The following AVEN variants were observed in gnomAD, a reference collection of about 807,000 sequenced individuals.
AVEN encodes cell death regulator Aven.
A neutral mutation model predicts 38.1 loss-of-function variants in AVEN; 41 were observed. The ratio of observed to expected loss-of-function variants is 1.08; its 90% CI spans 0.84 to 1.40. The LOEUF (loss-of-function observed/expected upper bound fraction) is 1.40, where lower values mean the gene tolerates loss of function less well. Among genes scored for constraint, AVEN ranks in the 40% most tolerant of loss-of-function variants. The pLI is 0.00. For synonymous variants in AVEN, 206 were observed against 171.8 expected, an observed-to-expected ratio of 1.20 and a Z score of -1.56; for missense variants, 605 against 438.8, an observed-to-expected ratio of 1.38 and a Z score of -3.38.
At chr15:33,964,051 T>C (rs1895297706) in intron 2 of AVEN, among the ~76,000 whole-genome samples, 1 of 151,346 alleles carries the variant, frequency 6.6e-6, no homozygotes, top group Admixed American at 6.6e-5. Context: ...GACCACACGT[T>C]CAAATGTTAG....
intron 2 of AVEN, among the ~76,000 whole-genome samples, chr15:33,949,868 T>TAC (rs1894668428): frequency 6.6e-6 from 1 of 152,204 alleles, no homozygotes; most frequent in African/African-American, 2.4e-5. Flanking sequence ...CTTCTGGGTA[T>TAC]ACGGCCAAAA....
intron 2 of AVEN, among the ~76,000 whole-genome samples, chr15:33,954,646 C>T (rs1487825815): frequency 4.8e-5 from 6 of 123,958 alleles, no homozygotes; most frequent in Non-Finnish European, 8.0e-5. Flanking sequence ...ACCCCAGGGC[C>T]TGTCATGGGG....
intron 2 of AVEN, among the ~76,000 whole-genome samples, chr15:33,961,677 G>A (rs1451785009): frequency 2.6e-5 from 4 of 151,536 alleles, no homozygotes; most frequent in African/African-American, 4.9e-5. Flanking sequence ...GCCGGGCGTG[G>A]TGGCGGGCAC....
intron 5 of AVEN, chr15:34,062,551 TC>T: frequency 4.5e-6 from 2 of 441,094 alleles, no homozygotes; most frequent in Non-Finnish European, 7.4e-6. Context: ...CGAGATTCTG[TC>T]TCAAAAAAAA....
At chr15:34,027,186 G>A (rs116683600) in intron 1 of AVEN, among the ~76,000 whole-genome samples, 2,126 of 152,068 alleles carry the variant, frequency 0.014, 61 homozygotes, top group African/African-American at 0.048. Flanking sequence ...GAACAGTAAC[G>A]TGCCCCATTC....
chr15:34,053,340 A>ATATATATATG (rs1900014316), intron 5 of AVEN, among the ~76,000 whole-genome samples: 1 of 141,808 alleles, frequency 7.1e-6, no homozygotes, highest in Non-Finnish European at 1.5e-5. Context: ...ATATATATAT[A>ATATATATATG]TATGGAACTG....
At chr15:34,008,263 A>T (rs1359979699) in intron 1 of AVEN, among the ~76,000 whole-genome samples, 1 of 151,786 alleles carries the variant, frequency 6.6e-6, no homozygotes, top group Non-Finnish European at 1.5e-5. Context: ...TCCACGAAAA[A>T]GATAAAAATT....
intron 1 of AVEN, among the ~76,000 whole-genome samples, chr15:34,033,202 C>G (rs965442346): frequency 6.6e-6 from 1 of 152,066 alleles, no homozygotes; most frequent in African/African-American, 2.4e-5. Flanking sequence ...TGAAGTTTTA[C>G]CTTTATGTTT....
intron 4 of AVEN, among the ~76,000 whole-genome samples, chr15:33,868,962 C>A (rs1890820908): frequency 6.6e-6 from 1 of 152,196 alleles, no homozygotes; most frequent in Non-Finnish European, 1.5e-5. Flanking sequence ...AATCACCGCT[C>A]TCGAGGGAAG....
rs1899011260 is a variant in AVEN at position 34,034,311 on chromosome 15, C to G, written c.267+4469G>C. On this transcript the variant is annotated intron_variant, in intron 1 of 5. Coordinates refer to ENST00000306730, the MANE Select transcript of AVEN (RefSeq NM_020371.3). ...AAAATATTAGTTGGGTATGGTGGTT[C>G]ACGCCTGTACTCCCACCTACTCAGG... Among the ~76,000 whole-genome samples, 5 of 152,014 alleles carry G rather than the reference C, an allele frequency of 3.3e-5. No homozygotes were observed. The South Asian group carries it at 1.0e-3, about 32-fold the overall frequency.
intron 5 of AVEN, among the ~76,000 whole-genome samples, chr15:34,052,941 A>G (rs1447511707): frequency 6.6e-6 from 1 of 152,146 alleles, no homozygotes; most frequent in African/African-American, 2.4e-5. Flanking sequence ...TATAGATTCA[A>G]TGCTAATCTC....
intron 5 of AVEN, among the ~76,000 whole-genome samples, chr15:34,053,979 T>A (rs1900038386): frequency 6.6e-6 from 1 of 151,778 alleles, no homozygotes; most frequent in Non-Finnish European, 1.5e-5. Flanking sequence ...AACAAATTTA[T>A]GAGAAAAAAA....
At chr15:34,019,338 G>A (rs1469124613) in intron 1 of AVEN, among the ~76,000 whole-genome samples, 3 of 152,180 alleles carry the variant, frequency 2.0e-5, no homozygotes, top group Non-Finnish European at 4.4e-5. Context: ...GCTGTACAAT[G>A]TGTTTGTTTT....
chr15:34,031,451 G>A (rs772108743), intron 1 of AVEN, among the ~76,000 whole-genome samples: 9 of 151,922 alleles, frequency 5.9e-5, no homozygotes, highest in Non-Finnish European at 1.2e-4. Context: ...CTGGGATTAC[G>A]GGCATGAGCC....
At chr15:33,968,099 T>A (rs1207648089) in intron 2 of AVEN, among the ~76,000 whole-genome samples, 8 of 25,838 alleles carry the variant, frequency 3.1e-4, no homozygotes, top group African/African-American at 3.2e-4. Flanking sequence ...TAGCAAAGCT[T>A]AAAAAAAAAA....
At chr15:33,950,405 T>C (rs1181227793) in intron 2 of AVEN, among the ~76,000 whole-genome samples, 3 of 152,224 alleles carry the variant, frequency 2.0e-5, no homozygotes, top group African/African-American at 7.2e-5. Context: ...TGATTGGTGA[T>C]CATTACACTG....
At chr15:33,855,803 AAGACTGGATATTGATG>A (rs2079596651), downstream of AVEN, 1 of 152,200 alleles carries the variant, frequency 6.6e-6, no homozygotes, top group African/African-American at 2.4e-5. Context: ...CAATATATGG[AAGACTGGATATTGATG>A]AGACTGGATA....
chr15:33,917,870 G>C (rs1421274209), intron 2 of AVEN, among the ~76,000 whole-genome samples: 1 of 152,102 alleles, frequency 6.6e-6, no homozygotes, highest in East Asian at 1.9e-4. Context: ...ACACTACTCA[G>C]GTGATGCGTG....
At chr15:33,868,621 T>C (rs1375862510) in intron 4 of AVEN, among the ~76,000 whole-genome samples, 2 of 148,020 alleles carry the variant, frequency 1.4e-5, no homozygotes, top group East Asian at 4.1e-4. Context: ...TTAAGTGCAC[T>C]AATATAAAGG....
Sources: allele counts gnomAD v4.1 joint callset (sites outside exome capture counted in the v4.1 genomes callset), GRCh38; gene constraint gnomAD v4.1.1; transcripts MANE v1.5; gene names NCBI Gene and HGNC (gene_info 2026-07-23, HGNC 2026-07-21).